The following PAG1 variants were observed in gnomAD, a reference collection of about 807,000 sequenced individuals.
PAG1 encodes the protein phosphoprotein associated with glycosphingolipid-enriched microdomains 1.
PAG1 carries 23 observed loss-of-function variants against 31.7 expected under a neutral mutation model. That is an observed-to-expected ratio of 0.73 (90% CI 0.52 to 1.03). The LOEUF (loss-of-function observed/expected upper bound fraction) is 1.03. PAG1 is among the 50% of genes least tolerant of loss of function. The probability of loss-of-function intolerance (pLI) is 0.00; values close to 1 mark genes in which losing one functional copy is unlikely to be tolerated. For synonymous variants in PAG1, 214 were observed against 210.3 expected (o/e 1.02, Z -0.15); for missense variants, 473 against 540.7 (o/e 0.87, Z 1.24).
intron 7 of PAG1, among the ~76,000 whole-genome samples, chr8:80,981,418 C>T (rs1042182675): frequency 2.6e-5 from 4 of 151,932 alleles, no homozygotes; most frequent in Non-Finnish European, 5.9e-5. Flanking sequence ...AAAGCCGCTC[C>T]GTATCATCCG....
intron 1 of PAG1, among the ~76,000 whole-genome samples, chr8:81,095,763 CTTAA>C (rs1334494251): frequency 1.3e-5 from 2 of 152,116 alleles, no homozygotes; most frequent in South Asian, 2.1e-4. Flanking sequence ...TGCATGCCCC[CTTAA>C]TTAATTATTG....
At chr8:81,061,005 A>G (rs1808908467) in intron 2 of PAG1, among the ~76,000 whole-genome samples, 2 of 152,216 alleles carry the variant, frequency 1.3e-5, no homozygotes, top group Admixed American at 6.5e-5. Context: ...ATTCCAAATT[A>G]TATCTGTTTT....
chr8:81,065,847 C>T (rs1563648718), intron 2 of PAG1, among the ~76,000 whole-genome samples: 1 of 149,452 alleles, frequency 6.7e-6, no homozygotes, highest in Non-Finnish European at 1.5e-5. Flanking sequence ...TTATATATAT[C>T]ATATATATAT....
chr8:81,072,812 T>C (rs1809116279), intron 1 of PAG1, among the ~76,000 whole-genome samples: 1 of 151,936 alleles, frequency 6.6e-6, no homozygotes, highest in Non-Finnish European at 1.5e-5. Flanking sequence ...GATGAGGGAG[T>C]GGGTGCATGT....
intron 3 of PAG1, among the ~76,000 whole-genome samples, chr8:81,029,266 T>C (rs1254775489): frequency 6.6e-6 from 1 of 152,114 alleles, no homozygotes; most frequent in Non-Finnish European, 1.5e-5. Context: ...TTATTCCCAC[T>C]AAGCTCATGA....
chr8:81,103,175 A>AT (rs992080259), intron 1 of PAG1, among the ~76,000 whole-genome samples: 26 of 150,162 alleles, frequency 1.7e-4, no homozygotes, highest in African/African-American at 6.4e-4. Context: ...AAAAAAGCAG[A>AT]TTTTCCCCCA....
intron 1 of PAG1, among the ~76,000 whole-genome samples, chr8:81,091,574 C>T (rs1412812468): frequency 6.6e-6 from 1 of 152,036 alleles, no homozygotes; most frequent in African/African-American, 2.4e-5. Context: ...ACTGTAAGGC[C>T]ATTATACTAC....
intron 2 of PAG1, among the ~76,000 whole-genome samples, chr8:81,032,232 A>G (rs1194049698): frequency 1.3e-5 from 2 of 152,210 alleles, no homozygotes; most frequent in African/African-American, 4.8e-5. Context: ...TTAAAATAAA[A>G]ATATTTGTAA....
In PAG1 at chr8:80,985,007, C is replaced by T. The variant is rs1328742094; in HGVS notation, c.645G>A (p.Gly215=). 3.1e-6 allele frequency: 5 copies of T among 1,613,990 alleles called. No homozygotes were observed. Among genetic ancestry groups the T allele is most frequent in the South Asian group, 1.1e-5 (1 of 91,080 alleles). The change falls in exon 7 of 9, where the codon GGG becomes GGA. Residue 215 remains glycine, a synonymous_variant. Transcript: ENST00000220597. The part of the protein sequence containing the change: ...KSTSASKELP[G]PQTEGKAEFA... ...ACTCAGCTTTGCCTTCAGTCTGGGG[C>T]CCTGGGAGCTCTTTCGAGGCAGAAG... is the stretch of plus-strand genomic sequence containing the variant.
At chr8:81,035,816 A>C (rs1288962759) in intron 2 of PAG1, among the ~76,000 whole-genome samples, 1 of 152,008 alleles carries the variant, frequency 6.6e-6, no homozygotes, top group Non-Finnish European at 1.5e-5. Context: ...ATTATTTAGA[A>C]GGCCAAAGAT....
At chr8:81,073,231 C>A (rs1193389023) in intron 1 of PAG1, among the ~76,000 whole-genome samples, 1 of 152,168 alleles carries the variant, frequency 6.6e-6, no homozygotes, top group African/African-American at 2.4e-5. Context: ...GCATATTTAG[C>A]CTGCAGATTT....
intron 2 of PAG1, among the ~76,000 whole-genome samples, chr8:81,031,048 G>A (rs1330788019): frequency 1.3e-5 from 2 of 152,192 alleles, no homozygotes; most frequent in East Asian, 3.8e-4. Flanking sequence ...TGGAACGTGA[G>A]CCTTCTAGAT....
At chr8:81,071,317 C>T (rs528068347) in intron 1 of PAG1, among the ~76,000 whole-genome samples, 1 of 152,228 alleles carries the variant, frequency 6.6e-6, no homozygotes, top group Admixed American at 6.5e-5. Context: ...GAGAAGGTTC[C>T]ATGCCAAGAG....
At chr8:81,040,694 G>C (rs2130832457) in intron 2 of PAG1, 1 of 148,472 alleles carries the variant, frequency 6.7e-6, no homozygotes, top group Admixed American at 6.7e-5. Context: ...AAACTGATTT[G>C]TTTATAGAAC....
intron 1 of PAG1, among the ~76,000 whole-genome samples, chr8:81,088,325 G>A (rs566084592): frequency 6.6e-6 from 1 of 152,046 alleles, no homozygotes; most frequent in African/African-American, 2.4e-5. Context: ...AATAGTTCCT[G>A]GCACTAAAAT....
chr8:80,998,319 G>A (rs1398832970), intron 3 of PAG1, among the ~76,000 whole-genome samples: 2 of 151,954 alleles, frequency 1.3e-5, no homozygotes, highest in South Asian at 4.2e-4. Flanking sequence ...TAGTAGAGAC[G>A]GGGTTTCACC....
At chr8:81,086,110 T>C (rs1432453666) in intron 1 of PAG1, among the ~76,000 whole-genome samples, 2 of 148,130 alleles carry the variant, frequency 1.4e-5, no homozygotes, top group Non-Finnish European at 3.0e-5. Context: ...GCCTCCCGAG[T>C]AGCTGGGACT....
At chr8:80,993,734 C>A (rs1807610873) in intron 3 of PAG1, among the ~76,000 whole-genome samples, 1 of 151,928 alleles carries the variant, frequency 6.6e-6, no homozygotes, top group Admixed American at 6.6e-5. Flanking sequence ...CTGCCCCCCA[C>A]TGCTGGGACT....
chr8:81,044,523 G>A (rs1482429942), intron 2 of PAG1, among the ~76,000 whole-genome samples: 3 of 152,202 alleles, frequency 2.0e-5, no homozygotes, highest in Non-Finnish European at 4.4e-5. Flanking sequence ...AGGGAACATG[G>A]TCCTGTTGAC....
Sources: allele counts gnomAD v4.1 joint callset (sites outside exome capture counted in the v4.1 genomes callset), GRCh38; gene constraint gnomAD v4.1.1; transcripts MANE v1.5; gene names NCBI Gene and HGNC (gene_info 2026-07-23, HGNC 2026-07-21).